Variants in ZC3H3 observed in about 807,000 individuals in gnomAD.
The protein encoded by ZC3H3 is zinc finger CCCH-type containing 3.
In ZC3H3, 36 loss-of-function variants were observed where a neutral mutation model predicts 77.3. That is an observed-to-expected ratio of 0.47 (90% CI 0.36 to 0.61). The LOEUF (loss-of-function observed/expected upper bound fraction) is 0.61, where lower values mean the gene tolerates loss of function less well. Among genes scored for constraint, ZC3H3 ranks in the 20% least tolerant of loss-of-function variants. ZC3H3 has a pLI of 0.00. For missense variants in ZC3H3, 1,331 were observed against 1,312.2 expected (o/e 1.01, Z -0.22); for synonymous variants, 626 against 555.2 (o/e 1.13, Z -1.79).
At chr8:143,506,245 T>C (rs1821691152) in intron 4 of ZC3H3, among the ~76,000 whole-genome samples, 1 of 152,200 alleles carries the variant, frequency 6.6e-6, no homozygotes, top group Non-Finnish European at 1.5e-5. Flanking sequence ...AATCATCACT[T>C]GGCCCCGAGC....
intron 4 of ZC3H3, among the ~76,000 whole-genome samples, chr8:143,502,023 AT>A (rs2130403016): frequency 6.6e-6 from 1 of 152,334 alleles, no homozygotes; most frequent in African/African-American, 2.4e-5. Context: ...GAGCATCCTC[AT>A]AAGAGACCCC....
chr8:143,500,818 AT>A (rs34018737), intron 4 of ZC3H3, among the ~76,000 whole-genome samples: 11 of 141,070 alleles, frequency 7.8e-5, no homozygotes, highest in African/African-American at 7.9e-5. Context: ...CACAATGTCT[AT>A]TTTTTTTTTT....
Position 143,440,293 on chromosome 8 carries a change from C to A in ZC3H3, c.2563G>T (p.Ala855Ser). ...SSAALTAAAVAAPPHCPGGSA... is the reference protein window; with the variant it reads ...SSAALTAAAVSAPPHCPGGSA... ...CCCCCTGGGCAGTGGGGAGGTGCAG[C>A]CACGGCAGCCGCAGTGAGGGCAGCC... is the stretch of plus-strand genomic sequence containing the variant. Residue 855 changes from alanine (A) to serine (S), a missense_variant, in exon 11 of 12, where the codon GCT becomes TCT. By Grantham distance (99) the Ala-to-Ser change is moderately conservative. This residue lies in a region of ZC3H3 where 249 missense variants were observed against 236.9 expected (regional missense o/e 1.05). Coordinates refer to ENST00000262577, the MANE Select transcript of ZC3H3 (RefSeq NM_015117.3). 2 of 1,567,190 alleles carry A rather than the reference C, an allele frequency of 1.3e-6. No individual in the cohort carries two copies. Among genetic ancestry groups the A allele is most frequent in the South Asian group, 1.2e-5 (1 of 86,412 alleles).
chr8:143,441,154 G>C (rs1267324815), intron 9 of ZC3H3, 34 bp from the exon 10 acceptor site: 10 of 1,372,064 alleles, frequency 7.3e-6, no homozygotes, highest in Non-Finnish European at 9.4e-6. Context: ...GGGTGGGCCG[G>C]CTGGAGGCTG....
chr8:143,447,131 G>A (rs1362644133), intron 9 of ZC3H3, among the ~76,000 whole-genome samples: 2 of 152,212 alleles, frequency 1.3e-5, no homozygotes, highest in Admixed American at 1.3e-4. Flanking sequence ...CTCACCACCT[G>A]TGCTGATTCA....
At chr8:143,522,536 G>A (rs1431999970) in intron 3 of ZC3H3, among the ~76,000 whole-genome samples, 2 of 152,114 alleles carry the variant, frequency 1.3e-5, no homozygotes, top group African/African-American at 2.4e-5. Context: ...CCAGGAGGTC[G>A]AGGTTGCAGT....
At chr8:143,516,527 A>T (rs1307488457) in intron 3 of ZC3H3, among the ~76,000 whole-genome samples, 14 of 15,882 alleles carry the variant, frequency 8.8e-4, no homozygotes, top group East Asian at 1.2e-3. Context: ...CTTTGCAATC[A>T]CACACACACA....
At chr8:143,532,466 T>C (rs1409194782) in intron 3 of ZC3H3, among the ~76,000 whole-genome samples, 2 of 152,258 alleles carry the variant, frequency 1.3e-5, no homozygotes, top group East Asian at 1.9e-4. Flanking sequence ...ACTAAGCTTT[T>C]GCTGGGCAGA....
chr8:143,439,721 G>C (rs1819676784), intron 11 of ZC3H3, among the ~76,000 whole-genome samples: 1 of 152,240 alleles, frequency 6.6e-6, no homozygotes, highest in Admixed American at 6.5e-5. Context: ...TGCACCCCTG[G>C]CGCCCGTGGG....
rs536075157 is a variant in ZC3H3 at position 143,529,600 on chromosome 8, G to A, written c.1561+6657C>T. On this transcript the variant is annotated intron_variant, in intron 3 of 11. Transcript: ENST00000262577. ...TTCCAGGAAATGTCGCACCACAGTC[G>A]GGGGGAGACCCCACACAGGACTGGG... Among the ~76,000 whole-genome samples the A allele has an allele frequency of 3.9e-5, 6 of 152,292 alleles. No individual in the cohort carries two copies. The South Asian group carries it at 8.3e-4, about 21-fold the overall frequency.
Position 143,441,012 on chromosome 8 carries a change from G to C in ZC3H3, c.2416C>G (p.Arg806Gly). The C allele has an allele frequency of 6.8e-7, 1 of 1,472,562 alleles. No individual in the cohort carries two copies. The highest frequency in any genetic ancestry group is 8.9e-7 in the Non-Finnish European group (1 of 1,119,124). The allele number at this position is 1,472,562 out of a possible 1,614,324, so 91.2% of individuals were successfully genotyped here. ...LHRTQKRHSRRAATSPAPGPS... is the reference protein window; with the variant it reads ...LHRTQKRHSRGAATSPAPGPS... ...CCTGGGGCGGGGGACGTGGCTGCCC[G>C]CCGACTGTGGCGTTTCTGGGTACGG... The change falls in exon 10 of 12, where the codon CGG (arginine) becomes GGG (glycine). Residue 806 changes from arginine (R) to glycine (G), a missense_variant. Around this residue, in one of 3 missense-constraint regions of ZC3H3, gnomAD observed 249 missense variants for 236.9 expected, o/e 1.05. Transcript: ENST00000262577.
intron 11 of ZC3H3, 60 bp downstream of exon 11, chr8:143,439,981 G>A: frequency 1.4e-6 from 2 of 1,421,156 alleles, no homozygotes; most frequent in Non-Finnish European, 9.2e-7. Flanking sequence ...AGGCCGTGCT[G>A]CCTACCTGAA....
intron 2 of ZC3H3, among the ~76,000 whole-genome samples, chr8:143,537,154 G>A (rs1231367902): frequency 1.3e-5 from 2 of 152,186 alleles, no homozygotes; most frequent in Non-Finnish European, 2.9e-5. Context: ...TGGAGTCCCT[G>A]AGCCCAGACC....
Position 143,541,357 on chromosome 8 carries a change from C to G in ZC3H3, c.46+19G>C, listed in dbSNP as rs1006314535. 1.2e-6 allele frequency: 2 copies of G among 1,606,242 alleles called. No individual in the cohort carries two copies. Among genetic ancestry groups the G allele is most frequent in the Non-Finnish European group, 8.5e-7 (1 of 1,177,422 alleles). ...GGGGGAAAGAAGGGGACTCGCGTCCCGGCCCCGGCCGGACCTACCCTGCAG... is the reference window on the plus strand; with the variant it reads ...GGGGGAAAGAAGGGGACTCGCGTCCGGGCCCCGGCCGGACCTACCCTGCAG... On this transcript the variant is annotated intron_variant, in intron 1 of 11. Transcript: ENST00000262577.
In ZC3H3 at chr8:143,468,626, G is replaced by A. The variant is rs917255009; in HGVS notation, c.1937C>T (p.Ser646Phe). The change falls in exon 6 of 12, where the codon TCC (serine) becomes TTC (phenylalanine). Residue 646 changes from serine (S) to phenylalanine (F), a missense_variant. Ser to Phe is a radical substitution (Grantham distance 155). Transcript: ENST00000262577. ...AGCCCAAAGGCATTACCTGGCCAGGGAACGGCTACAGCTGCCTGCAGGATC... is the reference window on the plus strand; with the variant it reads ...AGCCCAAAGGCATTACCTGGCCAGGAAACGGCTACAGCTGCCTGCAGGATC... ...RLDPAGSCSR[S>F]LASRAVQRSL... is the part of the protein sequence containing the mutation. 6.4e-7 allele frequency: 1 copy of A among 1,557,328 alleles called. No homozygotes were observed. Among genetic ancestry groups the A allele is most frequent in the African/African-American group, 1.4e-5 (1 of 73,462 alleles).
chr8:143,518,385 T>C (rs1159994815), intron 3 of ZC3H3, among the ~76,000 whole-genome samples: 1 of 152,234 alleles, frequency 6.6e-6, no homozygotes, highest in Non-Finnish European at 1.5e-5. Flanking sequence ...GGCACGGCCT[T>C]CTCTCAGGAA....
chr8:143,451,428 T>C (rs1225310851), intron 9 of ZC3H3, among the ~76,000 whole-genome samples: 1 of 152,102 alleles, frequency 6.6e-6, no homozygotes, highest in Non-Finnish European at 1.5e-5. Context: ...ACAAAGGATG[T>C]TGTAGACACA....
intron 4 of ZC3H3, among the ~76,000 whole-genome samples, chr8:143,501,279 C>T (rs998490599): frequency 6.6e-6 from 1 of 152,114 alleles, no homozygotes; most frequent in Non-Finnish European, 1.5e-5. Flanking sequence ...TGGCTCACTG[C>T]GGCCTCAACC....
chr8:143,469,776 T>C (rs753623593), intron 5 of ZC3H3, among the ~76,000 whole-genome samples: 9 of 152,054 alleles, frequency 5.9e-5, no homozygotes, highest in South Asian at 2.1e-4. Context: ...GATCACGGGG[T>C]GGGCAGGGCA....
Sources: allele counts gnomAD v4.1 joint callset (sites outside exome capture counted in the v4.1 genomes callset), GRCh38; gene constraint gnomAD v4.1.1; regional missense constraint gnomAD v4.1.1; transcripts MANE v1.5; gene names NCBI Gene and HGNC (gene_info 2026-07-23, HGNC 2026-07-21).